The following ZBTB20 variants were observed in gnomAD, a reference collection of about 807,000 sequenced individuals.
The protein encoded by ZBTB20 is zinc finger and BTB domain containing 20.
Under a neutral mutation model 56.9 loss-of-function variants are expected in ZBTB20, and 9 were observed. The observed-to-expected ratio is 0.16, with a 90% CI of 0.10 to 0.28. The LOEUF is 0.28. Ranked by LOEUF, ZBTB20 falls within the 10% of genes least tolerant of loss-of-function variation. The probability of loss-of-function intolerance (pLI) is 1.00; values close to 1 mark genes in which losing one functional copy is unlikely to be tolerated. For missense variants in ZBTB20, 655 were observed against 1,003.0 expected, an observed-to-expected ratio of 0.65 and a Z score of 4.69; for synonymous variants, 417 against 420.7, an observed-to-expected ratio of 0.99 and a Z score of 0.11.
At chr3:114,901,408 TTGA>T (rs1480440230) in intron 3 of ZBTB20, among the ~76,000 whole-genome samples, 18 of 152,308 alleles carry the variant, frequency 1.2e-4, no homozygotes, top group Admixed American at 1.0e-3. Flanking sequence ...GGTAATAATT[TTGA>T]TGATGGCTCA....
chr3:114,782,352 T>C (rs1397339284), intron 5 of ZBTB20, among the ~76,000 whole-genome samples: 2 of 152,178 alleles, frequency 1.3e-5, no homozygotes, highest in African/African-American at 4.8e-5. Context: ...GGGGAGGCTA[T>C]TGATTTTAAA....
intron 4 of ZBTB20, among the ~76,000 whole-genome samples, chr3:114,806,524 G>A (rs556200199): frequency 6.6e-6 from 1 of 151,846 alleles, no homozygotes; most frequent in Admixed American, 6.6e-5. Flanking sequence ...TCGCAATCTT[G>A]CAAATATTTT....
intron 4 of ZBTB20, among the ~76,000 whole-genome samples, chr3:114,867,925 A>G (rs575843674): frequency 6.6e-6 from 1 of 152,310 alleles, no homozygotes; most frequent in East Asian, 1.9e-4. Context: ...CCCCAGCTCA[A>G]CACCTGTTAG....
At chr3:114,931,948 C>T (rs1238999315) in intron 3 of ZBTB20, among the ~76,000 whole-genome samples, 1 of 152,172 alleles carries the variant, frequency 6.6e-6, no homozygotes, top group Non-Finnish European at 1.5e-5. Context: ...GTTCGAAAAT[C>T]CTTATGCTTT....
At chr3:114,444,524 T>C (rs2091143383) in intron 7 of ZBTB20, among the ~76,000 whole-genome samples, 1 of 152,194 alleles carries the variant, frequency 6.6e-6, no homozygotes, top group Admixed American at 6.6e-5. Context: ...TTTTTATAAA[T>C]TAGTTTTAGT....
intron 5 of ZBTB20, among the ~76,000 whole-genome samples, chr3:114,800,578 T>C (rs1039032746): frequency 6.6e-6 from 1 of 151,834 alleles, no homozygotes; most frequent in Non-Finnish European, 1.5e-5. Context: ...TTATGCATTT[T>C]ACTTAGTTTT....
chr3:115,037,118 C>T (rs1256920801), intron 2 of ZBTB20, among the ~76,000 whole-genome samples: 7 of 152,130 alleles, frequency 4.6e-5, no homozygotes, highest in African/African-American at 1.7e-4. Flanking sequence ...TGAGGATAAT[C>T]TTCAGCATTC....
intron 5 of ZBTB20, among the ~76,000 whole-genome samples, chr3:114,761,726 T>TG (rs2068455621): frequency 6.6e-6 from 1 of 151,006 alleles, no homozygotes; most frequent in African/African-American, 2.4e-5. Flanking sequence ...CCCATCTACT[T>TG]GGGGGGCTGA....
Position 114,991,356 on chromosome 3 carries a change from G to A in ZBTB20, c.-506-16940C>T, listed in dbSNP as rs1221196178. On this transcript the variant is annotated intron_variant, in intron 2 of 11. Transcript: ENST00000675478. Reference sequence around the variant, plus strand: ...ACATCTTTATTTCTGCCTTCATTTCGTTAGGTACCCAGTAGTCACTCAGGA... The same window carrying A: ...ACATCTTTATTTCTGCCTTCATTTCATTAGGTACCCAGTAGTCACTCAGGA... 3.9e-5 allele frequency among the ~76,000 whole-genome samples: 6 copies of A among 152,108 alleles called. No individual in the cohort carries two copies. The East Asian group carries it at 9.7e-4, about 24-fold the overall frequency.
chr3:115,137,518 A>G (rs1388271700), intron 1 of ZBTB20, among the ~76,000 whole-genome samples: 1 of 152,068 alleles, frequency 6.6e-6, no homozygotes, highest in Non-Finnish European at 1.5e-5. Context: ...AAATGCATTT[A>G]CACTATCAGA....
chr3:115,095,088 C>G (rs1177358121), intron 1 of ZBTB20, among the ~76,000 whole-genome samples: 1 of 152,020 alleles, frequency 6.6e-6, no homozygotes, highest in Admixed American at 6.6e-5. Context: ...CAGAAGTATT[C>G]AGTGACAAAA....
intron 1 of ZBTB20, among the ~76,000 whole-genome samples, chr3:115,124,196 T>G (rs902678703): frequency 1.2e-4 from 18 of 152,236 alleles, no homozygotes; most frequent in African/African-American, 4.3e-4. Flanking sequence ...TGTAAGTGAA[T>G]AGTATATGTT....
intron 10 of ZBTB20, among the ~76,000 whole-genome samples, chr3:114,373,161 G>A (rs1437412258): frequency 6.6e-6 from 1 of 152,186 alleles, no homozygotes; most frequent in African/African-American, 2.4e-5. Flanking sequence ...TGATCTGGCC[G>A]CCTTGGTCTC....
rs77567577 is a variant in ZBTB20 at position 114,599,097 on chromosome 3, C to T, written c.-295+94431G>A. On this transcript the variant is annotated intron_variant, in intron 6 of 11. Transcript: ENST00000675478. ...ATAGCATGCTATATGTGACACCTCC[C>T]TAAATTACACAGGTTCTTTATTCAT... Among the ~76,000 whole-genome samples, 679 of 152,160 alleles carry T rather than the reference C, an allele frequency of 4.5e-3. 33 individuals are homozygous for T. In the East Asian group the frequency reaches 0.12, roughly 26 times the overall value.
At chr3:114,353,162 A>G (rs756460859) in intron 10 of ZBTB20, among the ~76,000 whole-genome samples, 6 of 152,162 alleles carry the variant, frequency 3.9e-5, no homozygotes, top group Non-Finnish European at 7.3e-5. Flanking sequence ...CAACTGAACA[A>G]TCAGCTTGGG....
chr3:115,130,002 T>C (rs2084456896), intron 1 of ZBTB20, among the ~76,000 whole-genome samples: 1 of 152,164 alleles, frequency 6.6e-6, no homozygotes, highest in African/African-American at 2.4e-5. Context: ...AAATGTCCAT[T>C]AAGTGTAAAA....
chr3:114,979,366 G>A (rs541815772), intron 2 of ZBTB20, among the ~76,000 whole-genome samples: 1 of 152,066 alleles, frequency 6.6e-6, no homozygotes, highest in East Asian at 1.9e-4. Flanking sequence ...TTTCAATTAA[G>A]TAAAAGTTTA....
chr3:114,381,675 TA>T (rs770010415), intron 8 of ZBTB20, among the ~76,000 whole-genome samples: 19 of 152,262 alleles, frequency 1.2e-4, no homozygotes, highest in Non-Finnish European at 2.2e-4. Flanking sequence ...ATGTACTTGT[TA>T]TGCAGAATAT....
intron 4 of ZBTB20, among the ~76,000 whole-genome samples, chr3:114,819,593 A>T (rs1193675123): frequency 6.6e-6 from 1 of 151,952 alleles, no homozygotes; most frequent in Non-Finnish European, 1.5e-5. Flanking sequence ...ACAATTGATT[A>T]ACCATTAAGA....
Sources: gnomAD v4.1 joint callset for allele counts (sites outside exome capture counted in the v4.1 genomes callset) on GRCh38, gnomAD v4.1.1 for gene constraint, MANE v1.5 for transcripts, NCBI Gene and HGNC (gene_info 2026-07-23, HGNC 2026-07-21) for gene names.